Variants in EPHB1 observed in about 807,000 individuals in gnomAD.
EPHB1 encodes ephrin type-B receptor 1.
A neutral mutation model predicts 94.4 loss-of-function variants in EPHB1; 30 were observed. The ratio of observed to expected loss-of-function variants is 0.32; its 90% CI spans 0.24 to 0.43. The LOEUF is 0.43. Among genes scored for constraint, EPHB1 ranks in the 20% least tolerant of loss-of-function variants. The probability of loss-of-function intolerance (pLI) is 1.00; values close to 1 mark genes in which losing one functional copy is unlikely to be tolerated. For missense variants in EPHB1, 1,055 were observed against 1,308.3 expected (o/e 0.81, Z 2.99); for synonymous variants, 522 against 489.1 (o/e 1.07, Z -0.89).
At chr3:135,008,650 G>T (rs1427756245) in intron 3 of EPHB1, among the ~76,000 whole-genome samples, 1 of 152,202 alleles carries the variant, frequency 6.6e-6, no homozygotes, top group African/African-American at 2.4e-5. Flanking sequence ...GAAAATTGCT[G>T]CTATGAGGAG....
chr3:135,085,694 A>C (rs1576371805), intron 3 of EPHB1, among the ~76,000 whole-genome samples: 1 of 152,212 alleles, frequency 6.6e-6, no homozygotes, highest in African/African-American at 2.4e-5. Context: ...CACAAAGCTC[A>C]CAGCCATGAG....
intron 12 of EPHB1, among the ~76,000 whole-genome samples, chr3:135,216,876 A>C (rs1225475559): frequency 2.0e-5 from 3 of 152,164 alleles, no homozygotes; most frequent in African/African-American, 7.2e-5. Context: ...GAATCTCAAC[A>C]AAGAGGACTT....
intron 1 of EPHB1, among the ~76,000 whole-genome samples, chr3:134,808,423 G>A (rs1396826777): frequency 6.6e-6 from 1 of 152,130 alleles, no homozygotes; most frequent in Admixed American, 6.5e-5. Context: ...CCATCAAGCT[G>A]CCTGGCCTGA....
chr3:134,886,084 T>C (rs998170359), intron 1 of EPHB1, among the ~76,000 whole-genome samples: 16 of 152,258 alleles, frequency 1.1e-4, no homozygotes, highest in South Asian at 1.0e-3. Flanking sequence ...TAAAGTTAGT[T>C]ACAGAAAAAG....
chr3:135,224,267 C>A (rs945177741), intron 12 of EPHB1, among the ~76,000 whole-genome samples: 2 of 152,188 alleles, frequency 1.3e-5, no homozygotes, highest in Non-Finnish European at 2.9e-5. Context: ...TGGATTTCCA[C>A]TGATTTTCTT....
chr3:135,082,605 C>T (rs917331833), intron 3 of EPHB1, among the ~76,000 whole-genome samples: 3 of 152,214 alleles, frequency 2.0e-5, no homozygotes, highest in Middle Eastern at 3.4e-3. Flanking sequence ...ATGAGGAATA[C>T]TTTCATGGAT....
intron 1 of EPHB1, among the ~76,000 whole-genome samples, chr3:134,804,088 TTTTTTTTTTTTTTTTTTTG>T (rs950822269): frequency 1.5e-5 from 2 of 129,510 alleles, no homozygotes; most frequent in African/African-American, 5.9e-5. Flanking sequence ...TTTTTTTTTT[TTTTTTTTTTTTTTTTTTTG>T]CTGCATGTCT....
At chr3:135,249,620 G>A (rs1342247446) in intron 15 of EPHB1, 129 bp downstream of exon 15, 2 of 1,104,480 alleles carry the variant, frequency 1.8e-6, no homozygotes, top group East Asian at 4.9e-5. Context: ...GACCAGGCCT[G>A]GATGGGGAGC....
intron 3 of EPHB1, among the ~76,000 whole-genome samples, chr3:135,048,047 G>A (rs762368993): frequency 4.6e-5 from 7 of 151,994 alleles, no homozygotes; most frequent in Non-Finnish European, 1.0e-4. Context: ...GGCAAGATGG[G>A]CAGTGAAGAG....
intron 2 of EPHB1, among the ~76,000 whole-genome samples, chr3:134,946,654 G>C (rs2039222396): frequency 1.3e-5 from 2 of 152,144 alleles, no homozygotes; most frequent in Non-Finnish European, 2.9e-5. Context: ...GTCATGGCAG[G>C]GGATCCCTCA....
In EPHB1 at chr3:135,064,982, G is replaced by T. The variant is rs1034019569; in HGVS notation, c.806-41466G>T. ...TTGACCCAATGCTCATTCAGGACAG[G>T]TTATTTAATTTCCATGTATTTGCAT... On this transcript the variant is annotated intron_variant, in intron 3 of 15. Coordinates refer to ENST00000398015, the MANE Select transcript of EPHB1 (RefSeq NM_004441.5). 2.0e-5 allele frequency among the ~76,000 whole-genome samples: 3 copies of T among 152,084 alleles called. 1 individual carries two copies. The highest frequency in any genetic ancestry group is 4.8e-5 in the African/African-American group (2 of 41,414).
At chr3:135,006,314 T>G (rs1437176917) in intron 3 of EPHB1, among the ~76,000 whole-genome samples, 1 of 152,228 alleles carries the variant, frequency 6.6e-6, no homozygotes, top group African/African-American at 2.4e-5. Flanking sequence ...GAACAGAGGT[T>G]ACTACGGGCA....
intron 3 of EPHB1, among the ~76,000 whole-genome samples, chr3:134,979,618 A>G (rs1934330260): frequency 6.6e-6 from 1 of 152,036 alleles, no homozygotes; most frequent in African/African-American, 2.4e-5. Context: ...CAATGGTTCA[A>G]CTTATGATTT....
intron 3 of EPHB1, among the ~76,000 whole-genome samples, chr3:135,059,042 T>G (rs1359710327): frequency 4.6e-5 from 7 of 151,952 alleles, no homozygotes; most frequent in Non-Finnish European, 8.8e-5. Flanking sequence ...GAAAATCAAG[T>G]GTGACAGATA....
intron 1 of EPHB1, among the ~76,000 whole-genome samples, chr3:134,906,888 G>T (rs2038344048): frequency 6.6e-6 from 1 of 152,236 alleles, no homozygotes; most frequent in Admixed American, 6.5e-5. Flanking sequence ...TGATGGTGTT[G>T]TGTTCAGTTT....
rs772205237 is a variant in EPHB1, at chr3:135,167,023, G to T, written c.1759+17G>T. On this transcript the variant is annotated intron_variant, in intron 9 of 15. Transcript: ENST00000398015. ...CAGGCCGAGGTAAGTAGAAAGCAGA[G>T]ACCCGGTGTCTGACCCCCACAGGCC... 11 of 1,613,670 alleles carry T rather than the reference G, an allele frequency of 6.8e-6. No individual in the cohort carries two copies. In the Middle Eastern group the frequency reaches 4.9e-4, roughly 72 times the overall value.
chr3:135,218,327 C>G (rs747985447), intron 12 of EPHB1, among the ~76,000 whole-genome samples: 7 of 152,350 alleles, frequency 4.6e-5, no homozygotes, highest in Non-Finnish European at 8.8e-5. Flanking sequence ...CCTCCTTGCT[C>G]TGATATCTCT....
chr3:135,119,461 T>C (rs1363295817), intron 4 of EPHB1, among the ~76,000 whole-genome samples: 1 of 152,152 alleles, frequency 6.6e-6, no homozygotes, highest in African/African-American at 2.4e-5. Context: ...TTTCTTTTTT[T>C]TGTTTTCTTG....
intron 12 of EPHB1, among the ~76,000 whole-genome samples, chr3:135,213,813 T>C (rs1322120637): frequency 2.0e-5 from 3 of 152,208 alleles, no homozygotes; most frequent in African/African-American, 7.2e-5. Flanking sequence ...TCAGTCAAGT[T>C]CCTTCTGCTA....
Sources: gnomAD v4.1 joint callset for allele counts (sites outside exome capture counted in the v4.1 genomes callset) on GRCh38, gnomAD v4.1.1 for gene constraint, MANE v1.5 for transcripts, NCBI Gene and HGNC (gene_info 2026-07-23, HGNC 2026-07-21) for gene names.